HNF4G: variants seen among roughly 807,000 people sequenced by gnomAD.
HNF4G encodes the protein hepatocyte nuclear factor 4-gamma.
A neutral mutation model predicts 50.9 loss-of-function variants in HNF4G; 21 were observed. The ratio of observed to expected loss-of-function variants is 0.41; its 90% CI spans 0.29 to 0.59. The LOEUF (loss-of-function observed/expected upper bound fraction) is 0.59, where lower values mean the gene tolerates loss of function less well. Ranked by LOEUF, HNF4G falls within the 20% of genes least tolerant of loss-of-function variation. HNF4G has a pLI of 0.26. For missense variants in HNF4G, 527 were observed against 559.4 expected (o/e 0.94, Z 0.58); for synonymous variants, 198 against 185.6 (o/e 1.07, Z -0.54).
intron 1 of HNF4G, among the ~76,000 whole-genome samples, chr8:75,433,397 G>A (rs1188219619): frequency 5.1e-5 from 7 of 136,856 alleles, no homozygotes; most frequent in African/African-American, 1.4e-4. Flanking sequence ...ACGAGAGTCA[G>A]ACCCTGTCTC....
chr8:75,449,545 C>T (rs1472566017), intron 1 of HNF4G, among the ~76,000 whole-genome samples: 10 of 129,514 alleles, frequency 7.7e-5, no homozygotes, highest in South Asian at 2.4e-4. Context: ...CTCACTCTGT[C>T]GCCCAGGCTG....
At chr8:75,465,837 T>C (rs1224427048) in intron 1 of HNF4G, among the ~76,000 whole-genome samples, 1 of 152,148 alleles carries the variant, frequency 6.6e-6, no homozygotes, top group Non-Finnish European at 1.5e-5. Flanking sequence ...CTAACTCAAT[T>C]CTTTCTTTAC....
chr8:75,451,264 A>C (rs927580733), intron 1 of HNF4G, among the ~76,000 whole-genome samples: 2 of 151,878 alleles, frequency 1.3e-5, no homozygotes, highest in African/African-American at 4.8e-5. Flanking sequence ...TAGCTTGCAA[A>C]TATATTCTCC....
intron 1 of HNF4G, among the ~76,000 whole-genome samples, chr8:75,453,892 T>C (rs1811650799): frequency 6.6e-6 from 1 of 152,134 alleles, no homozygotes; most frequent in African/African-American, 2.4e-5. Flanking sequence ...TTAAAATCCT[T>C]CCCAAATTTA....
rs201892334 is a variant in HNF4G at position 75,558,554 on chromosome 8, T to C, written c.770T>C (p.Val257Ala). The C allele has an allele frequency of 1.9e-6, 3 of 1,613,768 alleles. No individual in the cohort carries two copies. The highest frequency in any genetic ancestry group is 1.3e-5 in the African/African-American group (1 of 75,040). ...GTTATTCACCGCAACAGCTGTGAAG[T>C]TGAGATTAGCCGTGTGGCCAATCGT... is the stretch of plus-strand genomic sequence containing the variant. ...NYVIHRNSCEVEISRVANRVL... is the reference protein window; with the variant it reads ...NYVIHRNSCEAEISRVANRVL... Residue 257 changes from valine (V) to alanine (A), a missense_variant, in exon 7 of 10, where the codon GTT (valine) becomes GCT (alanine). Physicochemically the swap from Val to Ala is moderately conservative, Grantham distance 64. Around this residue, in one of 5 missense-constraint regions of HNF4G, gnomAD observed 308 missense variants for 301.5 expected, o/e 1.02. Transcript: ENST00000396423.
intron 7 of HNF4G, 54 bp from the exon 8 acceptor site, chr8:75,558,747 C>T: frequency 1.9e-6 from 3 of 1,577,298 alleles, no homozygotes; most frequent in South Asian, 2.2e-5. Flanking sequence ...TATTTATTGT[C>T]TCACACTGTA....
intron 1 of HNF4G, among the ~76,000 whole-genome samples, chr8:75,473,463 G>A (rs1289540233): frequency 1.3e-5 from 2 of 152,166 alleles, no homozygotes; most frequent in Non-Finnish European, 2.9e-5. Context: ...TATGGTTTTA[G>A]ACAAAGGAAA....
intron 2 of HNF4G, among the ~76,000 whole-genome samples, chr8:75,520,009 C>T (rs1805999096): frequency 6.6e-6 from 1 of 151,872 alleles, no homozygotes; most frequent in Non-Finnish European, 1.5e-5. Context: ...TTTTTTCTCT[C>T]TTCCAGCCTT....
chr8:75,432,290 A>AT (rs1811033079), intron 1 of HNF4G, among the ~76,000 whole-genome samples: 1 of 148,464 alleles, frequency 6.7e-6, no homozygotes, highest in Non-Finnish European at 1.5e-5. Flanking sequence ...ATGTATCAAA[A>AT]TAAAAAAAAA....
At chr8:75,489,090 G>T (rs1258756728) in intron 1 of HNF4G, among the ~76,000 whole-genome samples, 1 of 152,136 alleles carries the variant, frequency 6.6e-6, no homozygotes. Flanking sequence ...TAACCCAGAA[G>T]CCACAATAGC....
chr8:75,495,836 A>G (rs952240230), intron 2 of HNF4G, among the ~76,000 whole-genome samples: 1 of 152,108 alleles, frequency 6.6e-6, no homozygotes, highest in African/African-American at 2.4e-5. Flanking sequence ...AAACATACAC[A>G]CTACATATGC....
chr8:75,410,011 A>G (rs190412150), intron 1 of HNF4G, among the ~76,000 whole-genome samples: 1 of 152,288 alleles, frequency 6.6e-6, no homozygotes, highest in East Asian at 1.9e-4. Flanking sequence ...ATATCATACT[A>G]GTATTCTGAA....
chr8:75,543,824 A>G lies in HNF4G; in HGVS notation c.132A>G (p.Pro44=). Residue 44 remains proline, a synonymous_variant, in exon 2 of 10, where the codon CCA becomes CCG. Transcript: ENST00000396423. ...TTTTATTGACAGATAGTTCTGCCCC[A>G]GAGACAAGTATGAATACCACAGACA... ...ILYNSSDSSA[P]ETSMNTTDNG... is the part of the protein sequence containing the mutation. 6.2e-7 allele frequency: 1 copy of G among 1,611,580 alleles called. No homozygotes were observed. Among genetic ancestry groups the G allele is most frequent in the Non-Finnish European group, 8.5e-7 (1 of 1,178,882 alleles).
At chr8:75,530,341 T>C (rs1806295775) in intron 2 of HNF4G, among the ~76,000 whole-genome samples, 1 of 152,020 alleles carries the variant, frequency 6.6e-6, no homozygotes, top group South Asian at 2.1e-4. Context: ...CCCACAAGGT[T>C]ACTGTGCCTT....
At chr8:75,473,922 A>G (rs945551343) in intron 1 of HNF4G, among the ~76,000 whole-genome samples, 7 of 152,184 alleles carry the variant, frequency 4.6e-5, no homozygotes, top group African/African-American at 1.7e-4. Context: ...ATTTCACAGA[A>G]GGGCTGTCTG....
intron 1 of HNF4G, among the ~76,000 whole-genome samples, chr8:75,447,679 A>G (rs894304858): frequency 2.0e-5 from 3 of 152,120 alleles, no homozygotes; most frequent in African/African-American, 4.8e-5. Flanking sequence ...AACACATGAA[A>G]AAATGCTCAT....
intron 1 of HNF4G, among the ~76,000 whole-genome samples, chr8:75,421,714 T>A (rs1282381467): frequency 6.6e-6 from 1 of 152,148 alleles, no homozygotes; most frequent in African/African-American, 2.4e-5. Context: ...TTTTTTGGCT[T>A]CACCCCGGGA....
At chr8:75,420,247 A>G (rs1810745504) in intron 1 of HNF4G, among the ~76,000 whole-genome samples, 2 of 152,176 alleles carry the variant, frequency 1.3e-5, no homozygotes. Context: ...GTCTGAGCCA[A>G]TTGTGTACGT....
intron 1 of HNF4G, among the ~76,000 whole-genome samples, chr8:75,415,437 C>T (rs1402762719): frequency 6.6e-6 from 1 of 151,764 alleles, no homozygotes; most frequent in Non-Finnish European, 1.5e-5. Context: ...TTTATGAGGC[C>T]TCAATATGGA....
Sources: gnomAD v4.1 joint callset for allele counts (sites outside exome capture counted in the v4.1 genomes callset) on GRCh38, gnomAD v4.1.1 for gene constraint, gnomAD v4.1.1 regional missense constraint, MANE v1.5 for transcripts, NCBI Gene and HGNC (gene_info 2026-07-23, HGNC 2026-07-21) for gene names.